The following ABCC1 variants were observed in gnomAD, a reference collection of about 807,000 sequenced individuals.
ABCC1 encodes the protein ATP binding cassette subfamily C member 1 (ABCC1 blood group).
A neutral mutation model predicts 172.9 loss-of-function variants in ABCC1; 83 were observed. The observed-to-expected ratio is 0.48, with a 90% CI of 0.40 to 0.58. The LOEUF (loss-of-function observed/expected upper bound fraction) is 0.58, where lower values mean the gene tolerates loss of function less well. Among genes scored for constraint, ABCC1 ranks in the 20% least tolerant of loss-of-function variants. The probability of loss-of-function intolerance (pLI) is 0.00; values close to 1 mark genes in which losing one functional copy is unlikely to be tolerated. For synonymous variants in ABCC1, 937 were observed against 825.2 expected (o/e 1.14, Z -2.32); for missense variants, 1,817 against 2,002.7 (o/e 0.91, Z 1.77).
At chr16:16,062,188 C>G (rs2049945416) in intron 12 of ABCC1, among the ~76,000 whole-genome samples, 1 of 152,214 alleles carries the variant, frequency 6.6e-6, no homozygotes, top group Admixed American at 6.5e-5. Flanking sequence ...GCAGCGTGTT[C>G]TCACAGCTTT....
chr16:16,079,275 G>T, intron 15 of ABCC1, 77 bp from the exon 16 acceptor site: 1 of 1,576,468 alleles, frequency 6.3e-7, no homozygotes, highest in Middle Eastern at 1.8e-4. Context: ...GGGGTAAATT[G>T]AGGCTCGGTG....
At chr16:15,953,819 A>T (rs552405478) in intron 1 of ABCC1, among the ~76,000 whole-genome samples, 2 of 152,172 alleles carry the variant, frequency 1.3e-5, no homozygotes, top group East Asian at 3.9e-4. Context: ...ATATCTTAGA[A>T]GCTATTAGGA....
At chr16:16,016,653 T>C (rs2048010619) in intron 5 of ABCC1, 32 bp downstream of exon 5, 3 of 1,610,006 alleles carry the variant, frequency 1.9e-6, no homozygotes, top group South Asian at 1.1e-5. Flanking sequence ...TGTGTGTGCG[T>C]GTGTGTGTGA....
chr16:16,138,954 CCCGCCT>C (rs1330708374), intron 30 of ABCC1, among the ~76,000 whole-genome samples: 1 of 152,236 alleles, frequency 6.6e-6, no homozygotes, highest in African/African-American at 2.4e-5. Flanking sequence ...AGGCGATCTG[CCCGCCT>C]CCGCCTCCCA....
rs757350556 is a variant in ABCC1, at chr16:16,033,189, G to C, written c.677+19G>C. 3 of 1,610,648 alleles carry C rather than the reference G, an allele frequency of 1.9e-6. No homozygotes were observed. In the Admixed American group the frequency reaches 5.0e-5, roughly 27 times the overall value. ...TCACAGGGTAAGGCCAGGCCCCCCAGACCTCAGGGAGGTGGTGGGGAGTGA... is the reference window on the plus strand; with the variant it reads ...TCACAGGGTAAGGCCAGGCCCCCCACACCTCAGGGAGGTGGTGGGGAGTGA... On this transcript the variant is annotated intron_variant, in intron 6 of 30. Transcript: ENST00000399410.
chr16:16,132,509 T>G (rs1238659428), intron 27 of ABCC1, among the ~76,000 whole-genome samples: 4 of 85,316 alleles, frequency 4.7e-5, no homozygotes, highest in African/African-American at 9.0e-5. Context: ...TTTGGTTGGT[T>G]GTTTTTTTTT....
At chr16:16,022,093 T>C (rs556334550) in intron 5 of ABCC1, among the ~76,000 whole-genome samples, 3 of 152,286 alleles carry the variant, frequency 2.0e-5, no homozygotes, top group African/African-American at 7.2e-5. Context: ...CAGCAGGCCA[T>C]CCATCACCTG....
chr16:16,028,879 G>T (rs1469884159), intron 5 of ABCC1, among the ~76,000 whole-genome samples: 1 of 152,120 alleles, frequency 6.6e-6, no homozygotes, highest in African/African-American at 2.4e-5. Flanking sequence ...GTCTGTCCGG[G>T]TCCACGGTCT....
At chr16:16,119,964 A>G (rs942948939) in intron 23 of ABCC1, among the ~76,000 whole-genome samples, 19 of 152,154 alleles carry the variant, frequency 1.2e-4, no homozygotes, top group Admixed American at 8.5e-4. Flanking sequence ...ATTATATCTG[A>G]TCCACATTCC....
rs1486336825 is a variant in ABCC1, at chr16:16,045,760, G to A, written c.1041-76G>A. The A allele has an allele frequency of 2.8e-6, 4 of 1,445,750 alleles. No homozygotes were observed. The African/African-American group carries it at 4.2e-5, about 15-fold the overall frequency. 89.6% of individuals were successfully genotyped at this position (1,445,750 alleles called of 1,614,324 possible). A position where few individuals can be genotyped will look rare whatever the true frequency, so the allele number is the denominator to read the frequency against. ...TCATCTGGCTCAGGAGAAAGTTGCA[G>A]TGCCAACACTGAAGCTCTCTTCCCT... On this transcript the variant is annotated intron_variant, in intron 8 of 30. Transcript: ENST00000399410.
chr16:15,990,670 G>C (rs1375669297), intron 1 of ABCC1, among the ~76,000 whole-genome samples: 1 of 151,262 alleles, frequency 6.6e-6, no homozygotes, highest in Non-Finnish European at 1.5e-5. Context: ...TTTTTTTTTA[G>C]ACAGAGTCTT....
chr16:15,968,705 G>C (rs1567278596), intron 1 of ABCC1, among the ~76,000 whole-genome samples: 1 of 151,994 alleles, frequency 6.6e-6, no homozygotes, highest in African/African-American at 2.4e-5. Flanking sequence ...TTAAGAACAA[G>C]AACGGGATTC....
At chr16:16,029,209 A>G (rs996706911) in intron 5 of ABCC1, among the ~76,000 whole-genome samples, 1 of 152,050 alleles carries the variant, frequency 6.6e-6, no homozygotes, top group Admixed American at 6.6e-5. Context: ...ATGAACTACC[A>G]TGAGCTCTTT....
At chr16:16,061,552 G>A (rs2049913263) in intron 12 of ABCC1, among the ~76,000 whole-genome samples, 1 of 152,154 alleles carries the variant, frequency 6.6e-6, no homozygotes, top group Non-Finnish European at 1.5e-5. Context: ...ACAGTCAATA[G>A]TGAAAGGCCC....
chr16:16,012,009 C>T (rs2047803134), intron 3 of ABCC1, among the ~76,000 whole-genome samples: 2 of 152,100 alleles, frequency 1.3e-5, no homozygotes, highest in Non-Finnish European at 2.9e-5. Context: ...CCTATGTTGC[C>T]CAGGCTGGCC....
chr16:16,005,416 T>C (rs2151710182), intron 1 of ABCC1, among the ~76,000 whole-genome samples: 2 of 151,550 alleles, frequency 1.3e-5, no homozygotes, highest in East Asian at 3.9e-4. Context: ...GGCATGATAT[T>C]GGCTCACTGC....
At position 16,138,523 on chromosome 16, in the gene ABCC1, C is replaced by A; in HGVS notation, c.4452C>A (p.Ile1484=). ...TCGAGGACTGCACCGTCCTCACCAT[C>A]GCCCACCGGCTCAACACCATCATGG... ...TQFEDCTVLT[I]AHRLNTIMDY... is the part of the protein sequence containing the mutation. Residue 1484 remains isoleucine, a synonymous_variant, in exon 30 of 31, where the codon ATC becomes ATA. Coordinates refer to ENST00000399410, the MANE Select transcript of ABCC1 (RefSeq NM_004996.4). The A allele has an allele frequency of 6.3e-7, 1 of 1,581,974 alleles. No homozygotes were observed. The highest frequency in any genetic ancestry group is 8.6e-7 in the Non-Finnish European group (1 of 1,159,798).
intron 17 of ABCC1, among the ~76,000 whole-genome samples, chr16:16,084,138 T>A (rs1258147437): frequency 6.6e-6 from 1 of 152,220 alleles, no homozygotes; most frequent in African/African-American, 2.4e-5. Flanking sequence ...AGTCTTGCTC[T>A]CTTGCCCAGG....
At chr16:15,990,465 A>G (rs1380164909) in intron 1 of ABCC1, among the ~76,000 whole-genome samples, 3 of 152,086 alleles carry the variant, frequency 2.0e-5, no homozygotes, top group South Asian at 2.1e-4. Context: ...GCTTTGACCA[A>G]CACCTCCCTG....
Sources: gnomAD v4.1 joint callset for allele counts (sites outside exome capture counted in the v4.1 genomes callset) on GRCh38, gnomAD v4.1.1 for gene constraint, MANE v1.5 for transcripts, NCBI Gene and HGNC (gene_info 2026-07-23, HGNC 2026-07-21) for gene names.